XDH: variants seen among roughly 807,000 people sequenced by gnomAD.
XDH encodes xanthine dehydrogenase/oxidase.
In XDH, 138 loss-of-function variants were observed where a neutral mutation model predicts 156.1. That is an observed-to-expected ratio of 0.88 (90% CI 0.77 to 1.02). The LOEUF is 1.02. Ranked by LOEUF, XDH falls within the 50% of genes least tolerant of loss-of-function variation. The probability of loss-of-function intolerance (pLI) is 0.00; values close to 1 mark genes in which losing one functional copy is unlikely to be tolerated. For missense variants in XDH, 1,849 were observed against 1,684.9 expected, an observed-to-expected ratio of 1.10 and a Z score of -1.71; for synonymous variants, 669 against 625.7, an observed-to-expected ratio of 1.07 and a Z score of -1.03.
intron 24 of XDH, among the ~76,000 whole-genome samples, chr2:31,362,739 G>A (rs1685808524): frequency 6.6e-6 from 1 of 152,140 alleles, no homozygotes. Flanking sequence ...CCCAGTGCCT[G>A]CCGGGCCGCC....
chr2:31,368,887 G>A (rs1490234474), intron 18 of XDH, among the ~76,000 whole-genome samples: 1 of 152,140 alleles, frequency 6.6e-6, no homozygotes, highest in Admixed American at 6.5e-5. Flanking sequence ...TTTAGTACTG[G>A]CAGACTATTG....
At chr2:31,357,793 T>C (rs1047217903) in intron 24 of XDH, among the ~76,000 whole-genome samples, 3 of 152,106 alleles carry the variant, frequency 2.0e-5, no homozygotes, top group African/African-American at 7.2e-5. Context: ...CCTGATACAC[T>C]GTATGCCTGT....
intron 11 of XDH, 58 bp downstream of exon 11, chr2:31,382,943 C>T (rs1686477313): frequency 6.2e-7 from 1 of 1,611,988 alleles, no homozygotes; most frequent in African/African-American, 1.3e-5. Context: ...TCTGGCTGCC[C>T]TGCTTTCAGA....
chr2:31,341,361 A>G lies in XDH; in HGVS notation c.3553T>C (p.Ser1185Pro). 1 of 1,579,978 alleles carries G rather than the reference A, an allele frequency of 6.3e-7. No individual in the cohort carries two copies. Among genetic ancestry groups the G allele is most frequent in the Non-Finnish European group, 8.6e-7 (1 of 1,160,144 alleles). The change falls in exon 33 of 36, where the codon TCC becomes CCC. Residue 1185 changes from serine to proline, a missense_variant. Ser to Pro is a moderately conservative substitution (Grantham distance 74, BLOSUM62 -1). Transcript: ENST00000379416. ...LRTDIVMDVG[S>P]SLNPAIDIGQ... Reference sequence around the variant, plus strand: ...ATATCAATGGCAGGGTTTAGACTGGAGCCAACATCCATGACAATATCTGTG... The same window carrying G: ...ATATCAATGGCAGGGTTTAGACTGGGGCCAACATCCATGACAATATCTGTG...
At chr2:31,363,653 C>T (rs893006290) in intron 24 of XDH, among the ~76,000 whole-genome samples, 3 of 152,042 alleles carry the variant, frequency 2.0e-5, no homozygotes, top group Non-Finnish European at 2.9e-5. Flanking sequence ...AAAAGCAATT[C>T]GAATTATTTA....
At chr2:31,383,874 G>T (rs2148782503) in intron 9 of XDH, 27 bp from the exon 10 acceptor site, 1 of 1,605,992 alleles carries the variant, frequency 6.2e-7, no homozygotes, top group Non-Finnish European at 8.5e-7. Context: ...AGCTGAAGTT[G>T]TAGGCCCATT....
intron 1 of XDH, among the ~76,000 whole-genome samples, 179 bp from the exon 2 acceptor site, chr2:31,406,143 G>A (rs1322907435): frequency 6.6e-6 from 1 of 152,104 alleles, no homozygotes; most frequent in Non-Finnish European, 1.5e-5. Flanking sequence ...TTGAAGGTGG[G>A]GCCTAGTGGG....
In XDH at chr2:31,377,229, A is replaced by G; in HGVS notation, c.1251T>C (p.Tyr417=). 1 of 1,614,000 alleles carries G rather than the reference A, an allele frequency of 6.2e-7. No homozygotes were observed. The highest frequency in any genetic ancestry group is 1.1e-5 in the South Asian group (1 of 91,054). ...GGGAGGCCTGCTTGAATGCTGAGAA[A>G]TACTCCCCCTAAAAGAGATCAGGAA... ...IEIPYSREGE[Y]FSAFKQASRR... is the part of the protein sequence containing the mutation. The change falls in exon 14 of 36, where the codon TAT becomes TAC. Residue 417 remains tyrosine (Y), a synonymous_variant. Transcript: ENST00000379416.
chr2:31,376,997 G>T, intron 14 of XDH, 56 bp downstream of exon 14: 2 of 1,602,452 alleles, frequency 1.2e-6, no homozygotes, highest in South Asian at 1.1e-5. Flanking sequence ...CAGTAACAAT[G>T]ATACTATTAG....
chr2:31,387,230 A>G (rs1686635294), intron 8 of XDH, among the ~76,000 whole-genome samples: 1 of 152,178 alleles, frequency 6.6e-6, no homozygotes, highest in African/African-American at 2.4e-5. Flanking sequence ...GGTAGTTTTC[A>G]TAGCTCAAAA....
chr2:31,405,879 C>T (rs370669142), intron 2 of XDH, 28 bp downstream of exon 2: 14 of 1,613,472 alleles, frequency 8.7e-6, no homozygotes, highest in Admixed American at 5.0e-5. Context: ...CCCCCTTCTC[C>T]GTCACTCCCA....
intron 12 of XDH, among the ~76,000 whole-genome samples, chr2:31,380,532 A>T (rs1477253564): frequency 6.6e-6 from 1 of 152,194 alleles, no homozygotes; most frequent in Non-Finnish European, 1.5e-5. Flanking sequence ...CTCCCAAGAA[A>T]ACCTCTGTCG....
chr2:31,391,975 C>A (rs902157256), intron 6 of XDH, among the ~76,000 whole-genome samples: 1 of 152,132 alleles, frequency 6.6e-6, no homozygotes, highest in Non-Finnish European at 1.5e-5. Context: ...ATTAATGATT[C>A]AATTTCTTCA....
At chr2:31,396,081 G>A (rs1189622719) in intron 6 of XDH, among the ~76,000 whole-genome samples, 1 of 152,166 alleles carries the variant, frequency 6.6e-6, no homozygotes, top group Non-Finnish European at 1.5e-5. Flanking sequence ...AAAGTAAAAA[G>A]GCTCTGAAGA....
Position 31,375,627 on chromosome 2 carries a change from C to G in XDH, c.1428-73G>C, listed in dbSNP as rs1199272404. The G allele has an allele frequency of 2.6e-6, 4 of 1,539,404 alleles. No individual in the cohort carries two copies. The African/African-American group carries it at 4.1e-5, about 16-fold the overall frequency. On this transcript the variant is annotated intron_variant, in intron 14 of 35. Transcript: ENST00000379416. ...ACCCCTTTGTGTAGAGCTGTGTGCC[C>G]AGGGCCTCGGAGCTGTACAAAGCTT...
At chr2:31,364,047 G>A (rs111340431) in intron 24 of XDH, 111 bp downstream of exon 24, 28 of 941,130 alleles carry the variant, frequency 3.0e-5, no homozygotes, top group Non-Finnish European at 6.9e-6. Flanking sequence ...GACCCATTAG[G>A]AGACTACTGC....
chr2:31,383,612 C>G, intron 10 of XDH, 143 bp downstream of exon 10: 1 of 803,152 alleles, frequency 1.2e-6, no homozygotes, highest in Non-Finnish European at 2.1e-6. Context: ...CTCCTCCCGC[C>G]TTTCCCTGTG....
intron 4 of XDH, among the ~76,000 whole-genome samples, chr2:31,399,117 C>G (rs1319666716): frequency 6.6e-6 from 1 of 152,152 alleles, no homozygotes; most frequent in Non-Finnish European, 1.5e-5. Context: ...AAGGTGATGT[C>G]TAGATTTTTG....
At chr2:31,342,694 T>A (rs1325867719) in intron 31 of XDH, among the ~76,000 whole-genome samples, 2 of 69,074 alleles carry the variant, frequency 2.9e-5, no homozygotes, top group Non-Finnish European at 5.4e-5. Flanking sequence ...CTGTGGTGGC[T>A]CTTAGACTGT....
Sources: allele counts gnomAD v4.1 joint callset (sites outside exome capture counted in the v4.1 genomes callset), GRCh38; gene constraint gnomAD v4.1.1; transcripts MANE v1.5; gene names NCBI Gene and HGNC (gene_info 2026-07-23, HGNC 2026-07-21).